The following RORA variants were observed in gnomAD, a reference collection of about 807,000 sequenced individuals.
RORA encodes nuclear receptor ROR-alpha.
A neutral mutation model predicts 69.5 loss-of-function variants in RORA; 7 were observed. The ratio of observed to expected loss-of-function variants is 0.10; its 90% CI spans 0.06 to 0.19. The LOEUF (loss-of-function observed/expected upper bound fraction) is 0.19, where lower values mean the gene tolerates loss of function less well. Among genes scored for constraint, RORA ranks in the 10% least tolerant of loss-of-function variants. The probability of loss-of-function intolerance (pLI) is 1.00; values close to 1 mark genes in which losing one functional copy is unlikely to be tolerated. For missense variants in RORA, 457 were observed against 663.0 expected (o/e 0.69, Z 3.41); for synonymous variants, 261 against 240.8 (o/e 1.08, Z -0.78).
At chr15:61,119,675 A>G (rs952219828) in intron 1 of RORA, among the ~76,000 whole-genome samples, 1 of 152,162 alleles carries the variant, frequency 6.6e-6, no homozygotes, top group African/African-American at 2.4e-5. Flanking sequence ...ACAATAAAAA[A>G]TCTGACTTAG....
intron 1 of RORA, among the ~76,000 whole-genome samples, chr15:60,821,379 C>T (rs1306741372): frequency 2.6e-5 from 4 of 152,190 alleles, no homozygotes; most frequent in Admixed American, 6.5e-5. Context: ...ATCTGCTGCC[C>T]GTGTCCTGGC....
chr15:60,999,321 CA>C (rs1894671359), intron 1 of RORA, among the ~76,000 whole-genome samples: 1 of 151,922 alleles, frequency 6.6e-6, no homozygotes, highest in Non-Finnish European at 1.5e-5. Context: ...ATGGGGTTCT[CA>C]AAAGAACAGT....
chr15:60,800,455 G>T (rs1567195852), intron 1 of RORA, among the ~76,000 whole-genome samples: 1 of 152,094 alleles, frequency 6.6e-6, no homozygotes, highest in Non-Finnish European at 1.5e-5. Flanking sequence ...ACTCAGCTCT[G>T]GTGGAAAGTA....
chr15:60,509,397 G>T (rs1298629196), intron 5 of RORA, among the ~76,000 whole-genome samples: 1 of 152,168 alleles, frequency 6.6e-6, no homozygotes, highest in African/African-American at 2.4e-5. Context: ...CAAGCATGAG[G>T]GGGCAGGGCT....
chr15:60,715,000 C>T (rs1471821535), intron 1 of RORA, among the ~76,000 whole-genome samples: 2 of 152,148 alleles, frequency 1.3e-5, no homozygotes. Flanking sequence ...GGCTTCCCAT[C>T]AAATGAATTT....
intron 3 of RORA, among the ~76,000 whole-genome samples, chr15:60,515,463 G>A (rs972549167): frequency 6.6e-6 from 1 of 152,178 alleles, no homozygotes; most frequent in African/African-American, 2.4e-5. Context: ...TTTGGGAAAT[G>A]AGAGGGGATA....
At chr15:60,594,201 A>G (rs932121673) in intron 2 of RORA, among the ~76,000 whole-genome samples, 8 of 152,246 alleles carry the variant, frequency 5.3e-5, no homozygotes, top group Non-Finnish European at 1.2e-4. Context: ...AAGAGTTTCA[A>G]ATGAATCAGC....
chr15:60,646,319 C>A (rs940526354), intron 2 of RORA, among the ~76,000 whole-genome samples: 3 of 152,228 alleles, frequency 2.0e-5, no homozygotes, highest in African/African-American at 7.2e-5. Context: ...GTCACCTTAT[C>A]TATGGAACCT....
At chr15:60,709,390 T>G (rs1420422662) in intron 1 of RORA, among the ~76,000 whole-genome samples, 1 of 152,172 alleles carries the variant, frequency 6.6e-6, no homozygotes, top group Non-Finnish European at 1.5e-5. Flanking sequence ...AGTAACAGAC[T>G]GAGGATTAAC....
chr15:60,771,684 T>C (rs138305295), intron 1 of RORA, among the ~76,000 whole-genome samples: 20 of 152,350 alleles, frequency 1.3e-4, no homozygotes, highest in African/African-American at 4.8e-4. Context: ...CTTCATCATA[T>C]ACCTCATTAA....
At chr15:60,538,724 C>T (rs1015080828) in intron 2 of RORA, among the ~76,000 whole-genome samples, 1 of 152,090 alleles carries the variant, frequency 6.6e-6, no homozygotes, top group African/African-American at 2.4e-5. Flanking sequence ...AGGGCTTGTA[C>T]GGTCTTGTCG....
chr15:61,083,395 G>T (rs1313374708), intron 1 of RORA, among the ~76,000 whole-genome samples: 1 of 152,164 alleles, frequency 6.6e-6, no homozygotes, highest in African/African-American at 2.4e-5. Context: ...TCTGGGCCAA[G>T]AGGTAGCAGT....
intron 1 of RORA, among the ~76,000 whole-genome samples, chr15:61,074,385 C>G (rs2078416146): frequency 6.6e-6 from 1 of 152,162 alleles, no homozygotes; most frequent in African/African-American, 2.4e-5. Flanking sequence ...CTACTCTGTC[C>G]CAGACCCTGC....
chr15:60,871,598 T>G (rs2073556809), intron 1 of RORA, among the ~76,000 whole-genome samples: 2 of 152,196 alleles, frequency 1.3e-5, no homozygotes, highest in Admixed American at 1.3e-4. Context: ...GAGGGAAATA[T>G]TGCCCCTATA....
chr15:60,692,481 T>G (rs1277187151), intron 1 of RORA, among the ~76,000 whole-genome samples: 1 of 152,202 alleles, frequency 6.6e-6, no homozygotes, highest in Non-Finnish European at 1.5e-5. Flanking sequence ...AAAACATTTC[T>G]AAGCAGCCTT....
intron 1 of RORA, among the ~76,000 whole-genome samples, chr15:60,966,064 T>G (rs762047696): frequency 6.6e-6 from 1 of 152,198 alleles, no homozygotes; most frequent in African/African-American, 2.4e-5. Flanking sequence ...ACAGACCTGG[T>G]TCCTTCTGAG....
intron 1 of RORA, among the ~76,000 whole-genome samples, chr15:61,040,112 TGATATATATATA>T (rs1896671693): frequency 1.7e-5 from 1 of 57,636 alleles, no homozygotes; most frequent in African/African-American, 7.5e-5. Context: ...TCACAAGCTT[TGATATATATATA>T]TATATATATA....
chr15:61,195,064 C>T (rs187307749), intron 1 of RORA, among the ~76,000 whole-genome samples: 1 of 151,584 alleles, frequency 6.6e-6, no homozygotes, highest in East Asian at 1.9e-4. Flanking sequence ...TTTTGTGACA[C>T]AGTGATGTCT....
intron 1 of RORA, among the ~76,000 whole-genome samples, chr15:60,986,383 C>T (rs975536662): frequency 3.3e-5 from 5 of 152,212 alleles, no homozygotes; most frequent in African/African-American, 1.2e-4. Context: ...AACTTCTAAT[C>T]CAACATCCTT....
Sources: gnomAD v4.1 joint callset for allele counts (sites outside exome capture counted in the v4.1 genomes callset) on GRCh38, gnomAD v4.1.1 for gene constraint, MANE v1.5 for transcripts, NCBI Gene and HGNC (gene_info 2026-07-23, HGNC 2026-07-21) for gene names.